SCN7A: variants seen among roughly 807,000 people sequenced by gnomAD.
SCN7A encodes the protein sodium voltage-gated channel alpha subunit 7.
Under a neutral mutation model 155.2 loss-of-function variants are expected in SCN7A, and 138 were observed. That is an observed-to-expected ratio of 0.89 (90% CI 0.77 to 1.02). SCN7A has a LOEUF of 1.02. Ranked by LOEUF, SCN7A falls within the 50% of genes least tolerant of loss-of-function variation. The pLI is 0.00. For synonymous variants in SCN7A, 693 were observed against 649.0 expected, an observed-to-expected ratio of 1.07 and a Z score of -1.03; for missense variants, 2,058 against 1,986.6, an observed-to-expected ratio of 1.04 and a Z score of -0.68.
chr2:166,464,720 G>A (rs1702489382), intron 9 of SCN7A, among the ~76,000 whole-genome samples: 2 of 152,084 alleles, frequency 1.3e-5, no homozygotes, highest in South Asian at 4.1e-4. Flanking sequence ...CCGAGCTATC[G>A]CGGCTCCCAT....
At chr2:166,485,376 G>T (rs1331872778) in intron 2 of SCN7A, among the ~76,000 whole-genome samples, 1 of 152,154 alleles carries the variant, frequency 6.6e-6, no homozygotes, top group East Asian at 1.9e-4. Flanking sequence ...GCTTCAGAAT[G>T]AGAGTCAACA....
At chr2:166,463,943 C>T (rs1236650061) in intron 9 of SCN7A, among the ~76,000 whole-genome samples, 1 of 151,950 alleles carries the variant, frequency 6.6e-6, no homozygotes, top group African/African-American at 2.4e-5. Context: ...GTAATCCCAG[C>T]TACTTGAGAG....
intron 11 of SCN7A, among the ~76,000 whole-genome samples, chr2:166,450,931 A>G (rs1358320353): frequency 6.6e-6 from 1 of 152,232 alleles, no homozygotes; most frequent in African/African-American, 2.4e-5. Context: ...TCGTGAGATT[A>G]AAAACCAATA....
intron 20 of SCN7A, among the ~76,000 whole-genome samples, chr2:166,419,582 G>A (rs76354935): frequency 0.084 from 12,682 of 151,876 alleles, 557 homozygotes; most frequent in Middle Eastern, 0.16. Flanking sequence ...ACCCGGGCTC[G>A]TCTCAAACTC....
In SCN7A at chr2:166,444,974, G is replaced by C. The variant is rs748232047; in HGVS notation, c.1414C>G (p.Pro472Ala). The change falls in exon 13 of 26, where the codon CCA becomes GCA. Residue 472 changes from proline (P) to alanine (A), a missense_variant. Coordinates refer to ENST00000643258, the MANE Select transcript of SCN7A (RefSeq NM_002976.4). ...EELEKSKKIC[P>A]LYWYKFAKTF... ...TTAGCAAACTTATACCAGTATAATG[G>C]GCATATCTTCTTGGATTTTTCAAGT... 44 of 1,609,386 alleles carry C rather than the reference G, an allele frequency of 2.7e-5. No individual in the cohort carries two copies. Among genetic ancestry groups the C allele is most frequent in the Non-Finnish European group, 3.6e-5 (42 of 1,176,670 alleles).
At chr2:166,438,719 AT>A (rs202120228) in intron 15 of SCN7A, among the ~76,000 whole-genome samples, 12 of 151,996 alleles carry the variant, frequency 7.9e-5, no homozygotes, top group Admixed American at 5.3e-4. Flanking sequence ...ATCTCCTTAC[AT>A]TTTTCCCCCT....
intron 11 of SCN7A, among the ~76,000 whole-genome samples, 170 bp downstream of exon 11, chr2:166,456,700 T>C (rs1702282364): frequency 6.6e-6 from 1 of 151,982 alleles, no homozygotes; most frequent in African/African-American, 2.4e-5. Context: ...TCCCCTGCTG[T>C]TTTTTGGAAT....
chr2:166,451,042 C>T (rs1013616811), intron 11 of SCN7A, among the ~76,000 whole-genome samples: 1 of 152,048 alleles, frequency 6.6e-6, no homozygotes, highest in Non-Finnish European at 1.5e-5. Flanking sequence ...TTGAATATAT[C>T]CTTAATTGAG....
At chr2:166,473,362 T>C (rs1319180341) in intron 5 of SCN7A, among the ~76,000 whole-genome samples, 1 of 151,672 alleles carries the variant, frequency 6.6e-6, no homozygotes, top group African/African-American at 2.4e-5. Flanking sequence ...TATTCAAGGA[T>C]TTTTTATGGT....
At chr2:166,410,006 C>T in intron 24 of SCN7A, 71 bp from the exon 25 acceptor site, 1 of 1,356,206 alleles carries the variant, frequency 7.4e-7, no homozygotes, top group East Asian at 2.5e-5. Flanking sequence ...GTCTTTTATA[C>T]ACTACAACTT....
At chr2:166,490,140 A>G (rs993173548) in intron 1 of SCN7A, among the ~76,000 whole-genome samples, 3 of 152,122 alleles carry the variant, frequency 2.0e-5, no homozygotes, top group African/African-American at 7.2e-5. Context: ...ATTTTGAAAT[A>G]TACAACACAT....
rs745696957 is a variant in SCN7A, at chr2:166,473,860, C to T, written c.382G>A (p.Val128Ile). Residue 128 changes from valine to isoleucine, a missense_variant, in exon 5 of 26, where the codon GTC (valine) becomes ATC (isoleucine). By Grantham distance (29) the Val-to-Ile change is conservative. Transcript: ENST00000643258. ...GACATGAATACGCAATCAATCAGGACACTAATTAGAATAAACAGTTGGAAA... is the reference window on the plus strand; with the variant it reads ...GACATGAATACGCAATCAATCAGGATACTAATTAGAATAAACAGTTGGAAA... ...PFFQLFILIS[V>I]LIDCVFMSLT... is the part of the protein sequence containing the mutation. The T allele has an allele frequency of 1.2e-5, 19 of 1,568,788 alleles. No homozygotes were observed. Among genetic ancestry groups the T allele is most frequent in the African/African-American group, 2.7e-5 (2 of 73,468 alleles).
At chr2:166,406,686 A>ATAGTATTATTGAAT in intron 25 of SCN7A, 40 bp from the exon 26 acceptor site, 1 of 1,310,398 alleles carries the variant, frequency 7.6e-7, no homozygotes, top group Middle Eastern at 1.9e-4. Context: ...ACATTATTCA[A>ATAGTATTATTGAAT]ACACAATAGT....
Position 166,427,579 on chromosome 2 carries a change from TATTAA to T in SCN7A, c.2853+204_2853+208del, listed in dbSNP as rs564655556. Among the ~76,000 whole-genome samples the T allele has an allele frequency of 9.9e-5, 15 of 152,148 alleles. No homozygotes were observed. In the East Asian group the frequency reaches 2.5e-3, roughly 25 times the overall value. Reference sequence around the variant, plus strand: ...TGCAAAATAATATATTAAAAATCAATATTAAATTTAATATTGAATGATGCATATAT... The same window carrying T: ...TGCAAAATAATATATTAAAAATCAATATTTAATATTGAATGATGCATATAT... On this transcript the variant is annotated intron_variant, in intron 18 of 25. Transcript: ENST00000643258.
chr2:166,455,675 A>G (rs892246580), intron 11 of SCN7A, among the ~76,000 whole-genome samples: 19 of 152,140 alleles, frequency 1.2e-4, no homozygotes, highest in African/African-American at 4.6e-4. Context: ...AAACCTGCAC[A>G]TGTAGCCCCT....
chr2:166,439,656 G>A (rs927560547), intron 15 of SCN7A, among the ~76,000 whole-genome samples: 1 of 152,124 alleles, frequency 6.6e-6, no homozygotes. Context: ...TTAGAGTGGT[G>A]TTTTTTATCA....
intron 11 of SCN7A, among the ~76,000 whole-genome samples, chr2:166,448,089 G>A (rs1228379641): frequency 6.6e-6 from 1 of 151,982 alleles, no homozygotes. Context: ...TGTAGCCATT[G>A]GCTAACCTCT....
chr2:166,441,370 A>C, intron 15 of SCN7A, 26 bp downstream of exon 15: 4 of 1,496,034 alleles, frequency 2.7e-6, no homozygotes, highest in Non-Finnish European at 3.6e-6. Flanking sequence ...GTTTTCATGG[A>C]AAATGTAAAA....
At position 166,406,657 on chromosome 2, in the gene SCN7A, G is replaced by A. The variant is rs368768713; in HGVS notation, c.3983-11C>T. 3.9e-5 allele frequency: 60 copies of A among 1,542,332 alleles called. No individual in the cohort carries two copies. In the African/African-American group the frequency reaches 8.0e-4, roughly 21 times the overall value. On this transcript the variant is annotated splice_polypyrimidine_tract_variant and intron_variant, in intron 25 of 25. Coordinates refer to ENST00000643258, the MANE Select transcript of SCN7A (RefSeq NM_002976.4). ...TAGGCAGACATAGTCCTGGGGGTGG[G>A]AAAGATAAAGCAGGCTATACATTAT...
Sources: allele counts gnomAD v4.1 joint callset (sites outside exome capture counted in the v4.1 genomes callset), GRCh38; gene constraint gnomAD v4.1.1; transcripts MANE v1.5; gene names NCBI Gene and HGNC (gene_info 2026-07-23, HGNC 2026-07-21).